The following NDFIP2 variants were observed in gnomAD, a reference collection of about 807,000 sequenced individuals.
NDFIP2 encodes Nedd4 family interacting protein 2, also known as NEDD4 family-interacting protein 2.
A neutral mutation model predicts 36.0 loss-of-function variants in NDFIP2; 19 were observed. The ratio of observed to expected loss-of-function variants is 0.53; its 90% CI spans 0.37 to 0.77. NDFIP2 has a LOEUF of 0.77. NDFIP2 is among the 30% of genes least tolerant of loss of function. The pLI is 0.00. For synonymous variants in NDFIP2, 181 were observed against 167.7 expected (o/e 1.08, Z -0.61); for missense variants, 446 against 435.8 (o/e 1.02, Z -0.21).
At chr13:79,527,709 A>G (rs1874854937) in intron 2 of NDFIP2, among the ~76,000 whole-genome samples, 1 of 152,234 alleles carries the variant, frequency 6.6e-6, no homozygotes, top group African/African-American at 2.4e-5. Context: ...ACTGATTTGT[A>G]TATTTATTAA....
intron 4 of NDFIP2, among the ~76,000 whole-genome samples, chr13:79,541,805 A>G (rs921389243): frequency 2.6e-5 from 4 of 152,204 alleles, no homozygotes; most frequent in African/African-American, 9.6e-5. Context: ...GTGAATATCA[A>G]TAAGACTATT....
chr13:79,552,633 G>A lies in NDFIP2; in HGVS notation c.*120G>A, dbSNP rs1212082. 46,481 of 151,582 alleles carry A rather than the reference G, an allele frequency of 0.31. 8,627 individuals carry two copies. Among genetic ancestry groups the A allele is most frequent in the Non-Finnish European group, 0.42 (28,427 of 67,278 alleles). 9.4% of individuals were successfully genotyped at this position (151,582 alleles called of 1,614,324 possible). A position where few individuals can be genotyped will look rare whatever the true frequency, so the allele number is the denominator to read the frequency against. ...GAAGACAAATTAGTGAAGAAAAGAC[G>A]GAGTTTCGAAATTGAATGGCAGGGT... On this transcript the variant is annotated 3_prime_UTR_variant, in exon 8 of 8. Transcript: ENST00000218652.
intron 2 of NDFIP2, among the ~76,000 whole-genome samples, chr13:79,530,533 C>T (rs1487234147): frequency 6.6e-6 from 1 of 152,234 alleles, no homozygotes; most frequent in Admixed American, 6.5e-5. Flanking sequence ...ATTTTACCCA[C>T]ACTAGGACTT....
chr13:79,491,485 G>T (rs1475536119), intron 1 of NDFIP2, among the ~76,000 whole-genome samples: 1 of 152,138 alleles, frequency 6.6e-6, no homozygotes, highest in Non-Finnish European at 1.5e-5. Context: ...GCCATATGCA[G>T]TGGCCCTGCT....
At chr13:79,491,443 C>G (rs1380903065) in intron 1 of NDFIP2, among the ~76,000 whole-genome samples, 1 of 152,200 alleles carries the variant, frequency 6.6e-6, no homozygotes, top group Non-Finnish European at 1.5e-5. Flanking sequence ...TGAATGGTGT[C>G]CTTTAGAGTT....
chr13:79,520,358 C>T (rs528649818), intron 1 of NDFIP2, among the ~76,000 whole-genome samples: 45 of 152,250 alleles, frequency 3.0e-4, no homozygotes, highest in African/African-American at 4.8e-4. Context: ...TCCTCTTCCC[C>T]GTAGCACCAA....
intron 4 of NDFIP2, among the ~76,000 whole-genome samples, chr13:79,542,728 C>T (rs1288010736): frequency 6.6e-6 from 1 of 151,940 alleles, no homozygotes; most frequent in Non-Finnish European, 1.5e-5. Context: ...CTTATTCTGT[C>T]CACAAAAAGC....
At chr13:79,552,443 G>A (rs1399071286) in intron 7 of NDFIP2, 73 bp from the exon 8 acceptor site, 1 of 151,676 alleles carries the variant, frequency 6.6e-6, no homozygotes, top group African/African-American at 2.4e-5. Context: ...TCTATAAAAT[G>A]TGTTGTATTA....
Position 79,540,627 on chromosome 13 carries a change from T to G in NDFIP2, c.715+852T>G, listed in dbSNP as rs567211706. Among the ~76,000 whole-genome samples, 31 of 152,322 alleles carry G rather than the reference T, an allele frequency of 2.0e-4. No individual in the cohort carries two copies. In the South Asian group the frequency reaches 6.4e-3, roughly 32 times the overall value. On this transcript the variant is annotated intron_variant, in intron 4 of 7. Coordinates refer to ENST00000218652, the MANE Select transcript of NDFIP2 (RefSeq NM_019080.3). ...ATGATCATAAAACCGAGAAATAATT[T>G]ACTTATTTAAAGTGCCACATTCAGC...
At chr13:79,537,854 AT>A (rs1176366963) in intron 3 of NDFIP2, among the ~76,000 whole-genome samples, 3 of 152,278 alleles carry the variant, frequency 2.0e-5, no homozygotes, top group African/African-American at 7.2e-5. Context: ...GTATTAGTCC[AT>A]TTTCACACTG....
intron 1 of NDFIP2, among the ~76,000 whole-genome samples, chr13:79,483,004 G>A (rs1043343879): frequency 6.6e-6 from 1 of 152,116 alleles, no homozygotes; most frequent in African/African-American, 2.4e-5. Flanking sequence ...TCCTACAGAC[G>A]TCACTACCCA....
chr13:79,538,809 C>T (rs1400773769), intron 3 of NDFIP2, among the ~76,000 whole-genome samples: 5 of 152,192 alleles, frequency 3.3e-5, no homozygotes, highest in Admixed American at 3.3e-4. Flanking sequence ...TCTTGAACTC[C>T]TGGCCTGAAG....
intron 1 of NDFIP2, among the ~76,000 whole-genome samples, chr13:79,513,615 C>T (rs1309956244): frequency 3.3e-5 from 5 of 151,922 alleles, no homozygotes; most frequent in African/African-American, 1.2e-4. Flanking sequence ...CAGGGAGCAG[C>T]GTCCTGGAAG....
At chr13:79,495,787 T>G (rs1873413090) in intron 1 of NDFIP2, among the ~76,000 whole-genome samples, 1 of 151,950 alleles carries the variant, frequency 6.6e-6, no homozygotes, top group African/African-American at 2.4e-5. Flanking sequence ...TTCTATCTTC[T>G]TTTGGATCAT....
intron 2 of NDFIP2, among the ~76,000 whole-genome samples, chr13:79,532,196 G>A (rs1408011036): frequency 6.6e-6 from 1 of 152,220 alleles, no homozygotes; most frequent in Non-Finnish European, 1.5e-5. Flanking sequence ...GAGACACAGA[G>A]TGAGCACATG....
At chr13:79,544,661 C>A (rs1174492022) in intron 5 of NDFIP2, among the ~76,000 whole-genome samples, 1 of 151,994 alleles carries the variant, frequency 6.6e-6, no homozygotes, top group African/African-American at 2.4e-5. Flanking sequence ...ATTGAATGAG[C>A]TAAATCCTCC....
chr13:79,533,625 A>G (rs1026208209), intron 3 of NDFIP2, among the ~76,000 whole-genome samples, 169 bp downstream of exon 3: 16 of 152,318 alleles, frequency 1.1e-4, no homozygotes, highest in Admixed American at 5.9e-4. Flanking sequence ...TTTTAAATAA[A>G]TATATTGGAA....
intron 3 of NDFIP2, among the ~76,000 whole-genome samples, chr13:79,534,353 T>G (rs1875142089): frequency 6.8e-6 from 1 of 147,180 alleles, no homozygotes; most frequent in South Asian, 2.2e-4. Flanking sequence ...GTCAGCTGTT[T>G]TTTTTTTTTT....
chr13:79,541,744 A>C (rs1442176685), intron 4 of NDFIP2, among the ~76,000 whole-genome samples: 2 of 152,112 alleles, frequency 1.3e-5, no homozygotes, highest in African/African-American at 4.8e-5. Flanking sequence ...AGTGTGGTTT[A>C]ATTATAACTT....
Sources: gnomAD v4.1 joint callset for allele counts (sites outside exome capture counted in the v4.1 genomes callset) on GRCh38, gnomAD v4.1.1 for gene constraint, MANE v1.5 for transcripts, NCBI Gene and HGNC (gene_info 2026-07-23, HGNC 2026-07-21) for gene names.